Variants in MARVELD2 observed in about 807,000 individuals in gnomAD.
MARVELD2 encodes the protein MARVEL domain-containing protein 2.
In MARVELD2, 49 loss-of-function variants were observed where a neutral mutation model predicts 57.6. The ratio of observed to expected loss-of-function variants is 0.85; its 90% CI spans 0.68 to 1.08. The LOEUF is 1.08. Ranked by LOEUF, MARVELD2 falls within the 50% of genes least tolerant of loss-of-function variation. The pLI is 0.00. For synonymous variants in MARVELD2, 238 were observed against 258.8 expected (o/e 0.92, Z 0.77); for missense variants, 606 against 701.1 (o/e 0.86, Z 1.53).
At chr5:69,433,491 A>G (rs1375795846) in intron 5 of MARVELD2, 7 of 161,034 alleles carry the variant, frequency 4.3e-5, no homozygotes, top group Admixed American at 8.5e-5. Flanking sequence ...CTAGAATCTC[A>G]CTCTGTCACC....
intron 3 of MARVELD2, among the ~76,000 whole-genome samples, chr5:69,425,853 C>T (rs1413307043): frequency 2.6e-5 from 4 of 151,604 alleles, no homozygotes; most frequent in African/African-American, 9.7e-5. Context: ...CTCAGCCTCC[C>T]GAGTAGCTGG....
intron 2 of MARVELD2, among the ~76,000 whole-genome samples, chr5:69,422,447 G>A (rs1356979737): frequency 2.0e-5 from 3 of 152,172 alleles, no homozygotes; most frequent in African/African-American, 7.2e-5. Flanking sequence ...ATAGATAAGG[G>A]ATGAAATAAG....
At chr5:69,423,686 T>G (rs1198596954) in intron 2 of MARVELD2, among the ~76,000 whole-genome samples, 3 of 152,074 alleles carry the variant, frequency 2.0e-5, no homozygotes, top group Non-Finnish European at 4.4e-5. Context: ...TTGCTCAGGC[T>G]GGTCTCAAAC....
In MARVELD2 at chr5:69,443,486, A is replaced by G. The variant is rs1322092220; in HGVS notation, c.*1832A>G. ...AAGTGCTGGGATTCAGGTGTGAGCC[A>G]CTGTGCCCAGCAGGGATGCTTCATC... On this transcript the variant is annotated 3_prime_UTR_variant, in exon 7 of 7. Transcript: ENST00000325631. The G allele has an allele frequency of 1.3e-5, 2 of 152,202 alleles. No individual in the cohort carries two copies. Among genetic ancestry groups the G allele is most frequent in the Non-Finnish European group, 2.9e-5 (2 of 68,036 alleles). The allele number at this position is 152,202 out of a possible 1,614,324, so 9.4% of individuals were successfully genotyped here.
chr5:69,426,460 G>A (rs1308269976), intron 3 of MARVELD2, among the ~76,000 whole-genome samples: 2 of 151,186 alleles, frequency 1.3e-5, no homozygotes, highest in Non-Finnish European at 2.9e-5. Context: ...TCAGCCTCCT[G>A]AATAGCTGGG....
Position 69,433,088 on chromosome 5 carries a change from C to T in MARVELD2, c.1498C>T (p.Arg500Ter), listed in dbSNP as rs118203957. 2.7e-4 allele frequency: 436 copies of T among 1,612,640 alleles called. No homozygotes were observed. Among genetic ancestry groups the T allele is most frequent in the Non-Finnish European group, 3.6e-4 (422 of 1,179,942 alleles). Reference protein sequence around the residue: ...MSRLPHHSESRQEHERISRIH... With the variant: ...MSRLPHHSES The stretch of plus-strand genomic sequence containing the variant: ...CAGATTGCCACATCATTCGGAAAGC[C>T]GACAGGTTAGTATGTGCAGCTGCCT... The change falls in exon 5 of 7, where the codon CGA (arginine) becomes TGA (stop). Residue 500 changes from arginine to a stop codon, truncating the protein, a stop_gained. Transcript: ENST00000325631. LOFTEE classifies it high-confidence loss of function.
chr5:69,437,811 C>G (rs1767203533), intron 5 of MARVELD2, among the ~76,000 whole-genome samples: 1 of 152,074 alleles, frequency 6.6e-6, no homozygotes, highest in African/African-American at 2.4e-5. Flanking sequence ...GTTGGGAAAT[C>G]AAGAGGGTCC....
chr5:69,421,009 T>C (rs1046412121), intron 2 of MARVELD2, among the ~76,000 whole-genome samples: 7 of 152,184 alleles, frequency 4.6e-5, no homozygotes, highest in Non-Finnish European at 1.0e-4. Flanking sequence ...TGGTAAACCA[T>C]GTTTGATTTT....
At chr5:69,424,740 A>G (rs1170611157) in intron 3 of MARVELD2, 104 bp downstream of exon 3, 3 of 955,530 alleles carry the variant, frequency 3.1e-6, no homozygotes, top group African/African-American at 3.2e-5. Context: ...AAATGTAGCT[A>G]TTGGCCAGGT....
At chr5:69,423,276 G>C (rs1446511198) in intron 2 of MARVELD2, among the ~76,000 whole-genome samples, 2 of 151,964 alleles carry the variant, frequency 1.3e-5, no homozygotes, top group African/African-American at 4.8e-5. Flanking sequence ...GGTTTGTTTT[G>C]AGGAAGGGTC....
chr5:69,433,340 T>G (rs1209609263), intron 5 of MARVELD2, among the ~76,000 whole-genome samples: 1 of 151,658 alleles, frequency 6.6e-6, no homozygotes, highest in African/African-American at 2.4e-5. Context: ...TTTTTTTCTA[T>G]TTTTAGTGGA....
intron 5 of MARVELD2, among the ~76,000 whole-genome samples, chr5:69,437,557 G>A (rs887383028): frequency 7.3e-5 from 11 of 151,336 alleles, no homozygotes; most frequent in African/African-American, 2.4e-4. Context: ...GGTGGTGGGC[G>A]CCTGTAATCC....
In MARVELD2 at chr5:69,424,648, GT is replaced by G; in HGVS notation, c.1182+15del. 1.3e-6 allele frequency: 2 copies of G among 1,577,950 alleles called. No individual in the cohort carries two copies. The highest frequency in any genetic ancestry group is 8.7e-7 in the Non-Finnish European group (1 of 1,146,658). On this transcript the variant is annotated intron_variant, in intron 3 of 6. Coordinates refer to ENST00000325631, the MANE Select transcript of MARVELD2 (RefSeq NM_001038603.3). ...CGAAAAGGAAAATGGTAAGAATAAA[GT>G]TTACTTCATATTATGCTTTAGATTT...
intron 5 of MARVELD2, among the ~76,000 whole-genome samples, chr5:69,440,081 A>G (rs901784084): frequency 3.3e-5 from 5 of 152,328 alleles, no homozygotes; most frequent in African/African-American, 1.2e-4. Flanking sequence ...CAAGCACTTT[A>G]TAAGGATCAT....
At chr5:69,421,136 T>C (rs1766614919) in intron 2 of MARVELD2, among the ~76,000 whole-genome samples, 2 of 152,208 alleles carry the variant, frequency 1.3e-5, no homozygotes, top group African/African-American at 4.8e-5. Context: ...ATGGAAGTCC[T>C]ACATTGTTTT....
At chr5:69,425,974 C>A (rs1246443725) in intron 3 of MARVELD2, among the ~76,000 whole-genome samples, 1 of 151,836 alleles carries the variant, frequency 6.6e-6, no homozygotes. Context: ...GATCTCCTGA[C>A]CTCGTGATCC....
intron 5 of MARVELD2, among the ~76,000 whole-genome samples, chr5:69,436,402 AACACACACACACACAC>A (rs66984523): frequency 0.013 from 1,563 of 123,906 alleles, 32 homozygotes; most frequent in African/African-American, 0.044. Flanking sequence ...TATGTATGGG[AACACACACACACACAC>A]ACACACACAC....
At chr5:69,426,340 T>TTATTATTATTAC (rs1766792838) in intron 3 of MARVELD2, among the ~76,000 whole-genome samples, 1 of 147,756 alleles carries the variant, frequency 6.8e-6, no homozygotes, top group Non-Finnish European at 1.5e-5. Flanking sequence ...ATTATTATTA[T>TTATTATTATTAC]TATTATTATT....
At chr5:69,441,339 T>C (rs1445337630) in intron 6 of MARVELD2, among the ~76,000 whole-genome samples, 193 bp from the exon 7 acceptor site, 1 of 151,666 alleles carries the variant, frequency 6.6e-6, no homozygotes, top group Non-Finnish European at 1.5e-5. Flanking sequence ...TTGATTTTGC[T>C]GTGAACCTAA....
Sources: allele counts gnomAD v4.1 joint callset (sites outside exome capture counted in the v4.1 genomes callset), GRCh38; gene constraint gnomAD v4.1.1; transcripts MANE v1.5; gene names NCBI Gene and HGNC (gene_info 2026-07-23, HGNC 2026-07-21).